PDGFRL: variants seen among roughly 807,000 people sequenced by gnomAD.
PDGFRL encodes platelet derived growth factor receptor like.
PDGFRL carries 46 observed loss-of-function variants against 37.2 expected under a neutral mutation model. That is an observed-to-expected ratio of 1.24 (90% CI 0.98 to 1.58). The LOEUF is 1.58. Ranked by LOEUF, PDGFRL falls within the 40% of genes most tolerant of loss-of-function variation. PDGFRL has a pLI of 0.00. For synonymous variants in PDGFRL, 251 were observed against 184.3 expected (o/e 1.36, Z -2.93); for missense variants, 692 against 467.6 (o/e 1.48, Z -4.43).
At chr8:17,634,355 G>C (rs1311237924) in intron 5 of PDGFRL, 142 bp downstream of exon 5, 2 of 618,116 alleles carry the variant, frequency 3.2e-6, no homozygotes, top group African/African-American at 3.8e-5. Context: ...TATGTTGGGG[G>C]CCAGGTATTG....
chr8:17,613,070 A>G (rs1229312809), intron 2 of PDGFRL, among the ~76,000 whole-genome samples: 1 of 152,238 alleles, frequency 6.6e-6, no homozygotes, highest in East Asian at 1.9e-4. Context: ...TAGTAGGTTT[A>G]GCTAAATCTC....
intron 4 of PDGFRL, 71 bp downstream of exon 4, chr8:17,628,851 C>G: frequency 2.0e-6 from 2 of 1,014,638 alleles, no homozygotes; most frequent in Non-Finnish European, 3.1e-6. Flanking sequence ...TGTTCCCTGC[C>G]TGCAGATGGA....
chr8:17,579,988 C>T (rs1342365176), intron 1 of PDGFRL, among the ~76,000 whole-genome samples: 1 of 152,106 alleles, frequency 6.6e-6, no homozygotes, highest in Non-Finnish European at 1.5e-5. Context: ...CTTCTATTTT[C>T]ACATTGAAAA....
chr8:17,640,333 T>A (rs1165847994), intron 5 of PDGFRL, among the ~76,000 whole-genome samples: 2 of 152,196 alleles, frequency 1.3e-5, no homozygotes, highest in Admixed American at 6.5e-5. Flanking sequence ...AGTGTGATCT[T>A]CTGGGGTGTT....
In PDGFRL at chr8:17,642,739, A is replaced by G; in HGVS notation, c.1066A>G (p.Ile356Val). 1 of 1,609,424 alleles carries G rather than the reference A, an allele frequency of 6.2e-7. No homozygotes were observed. Among genetic ancestry groups the G allele is most frequent in the East Asian group, 2.2e-5 (1 of 44,862 alleles). The change falls in exon 6 of 6, where the codon ATT becomes GTT. Residue 356 changes from isoleucine to valine, a missense_variant. Physicochemically the swap from Ile to Val is conservative, Grantham distance 29 (BLOSUM62 3). Coordinates refer to ENST00000251630, the MANE Select transcript of PDGFRL (RefSeq NM_001372073.1). ...DFETIDAGYY[I>V]CTAQNLQGQT... ...TGAGACGATTGATGCAGGATATTAC[A>G]TTTGCACTGCTCAGAATCTTCAAGG...
At position 17,642,661 on chromosome 8, in the gene PDGFRL, G is replaced by C; in HGVS notation, c.988G>C (p.Gly330Arg). The change falls in exon 6 of 6, where the codon GGA becomes CGA. Residue 330 changes from glycine to arginine, a missense_variant. Transcript: ENST00000251630. ...IQDTWRLIHRGLGHTTRISQS... is the reference protein window; with the variant it reads ...IQDTWRLIHRRLGHTTRISQS... ...AGACACTTGGAGGTTGATCCACAGA[G>C]GACTGGGACACACCACGAGAATCTC... 1 of 1,609,282 alleles carries C rather than the reference G, an allele frequency of 6.2e-7. No individual in the cohort carries two copies. The highest frequency in any genetic ancestry group is 8.5e-7 in the Non-Finnish European group (1 of 1,175,528).
At chr8:17,596,107 T>TTACCCTTGCTGGG (rs3837209) in intron 2 of PDGFRL, among the ~76,000 whole-genome samples, 20,667 of 151,840 alleles carry the variant, frequency 0.14, 3,685 homozygotes, top group African/African-American at 0.4. Context: ...AGCCCCAGAG[T>TTACCCTTGCTGGG]TACCCTTGCT....
At chr8:17,633,047 C>G (rs1050621790) in intron 4 of PDGFRL, among the ~76,000 whole-genome samples, 1 of 152,164 alleles carries the variant, frequency 6.6e-6, no homozygotes. Flanking sequence ...GTGTCCCGCC[C>G]CTTTGCTAGA....
intron 2 of PDGFRL, among the ~76,000 whole-genome samples, chr8:17,594,664 C>T (rs1000002260): frequency 6.6e-6 from 1 of 152,218 alleles, no homozygotes; most frequent in African/African-American, 2.4e-5. Context: ...AAGCGATTCT[C>T]CTGCCTCAGC....
At chr8:17,610,046 T>G (rs1341430538) in intron 2 of PDGFRL, among the ~76,000 whole-genome samples, 1 of 152,204 alleles carries the variant, frequency 6.6e-6, no homozygotes, top group Non-Finnish European at 1.5e-5. Flanking sequence ...CCATGGCTGT[T>G]GCATTCACTA....
intron 2 of PDGFRL, among the ~76,000 whole-genome samples, chr8:17,620,806 C>T (rs1331336056): frequency 3.3e-5 from 5 of 151,802 alleles, no homozygotes; most frequent in African/African-American, 1.2e-4. Flanking sequence ...TTAGAATGAA[C>T]TTTAAAAGGT....
chr8:17,585,187 T>C (rs1341439322), intron 1 of PDGFRL, among the ~76,000 whole-genome samples: 1 of 152,162 alleles, frequency 6.6e-6, no homozygotes, highest in Non-Finnish European at 1.5e-5. Flanking sequence ...GTGGCCATCT[T>C]GGTTTTGGTG....
chr8:17,616,739 G>A (rs1455654782), intron 2 of PDGFRL, among the ~76,000 whole-genome samples: 1 of 152,162 alleles, frequency 6.6e-6, no homozygotes, highest in Non-Finnish European at 1.5e-5. Flanking sequence ...GAACTCGGGA[G>A]CAGGGACTTC....
chr8:17,577,350 C>T (rs1428539346), intron 1 of PDGFRL, 43 bp downstream of exon 1: 6 of 1,554,106 alleles, frequency 3.9e-6, no homozygotes, highest in Admixed American at 3.5e-5. Flanking sequence ...TGTGCCCTGA[C>T]TTTAGCCGGG....
intron 1 of PDGFRL, among the ~76,000 whole-genome samples, chr8:17,585,040 T>C (rs1466855594): frequency 6.6e-6 from 1 of 152,150 alleles, no homozygotes; most frequent in Non-Finnish European, 1.5e-5. Flanking sequence ...CTCTCCTTTT[T>C]AGACCATATA....
intron 2 of PDGFRL, among the ~76,000 whole-genome samples, chr8:17,612,849 C>G (rs1472046603): frequency 6.6e-6 from 1 of 152,172 alleles, no homozygotes; most frequent in African/African-American, 2.4e-5. Context: ...TCTGCAAACT[C>G]TTTAATGACT....
intron 1 of PDGFRL, among the ~76,000 whole-genome samples, chr8:17,583,041 G>A (rs930465674): frequency 1.3e-5 from 2 of 152,170 alleles, no homozygotes; most frequent in Non-Finnish European, 2.9e-5. Flanking sequence ...CAGAGAGGTT[G>A]CTCCAGAGGG....
intron 2 of PDGFRL, chr8:17,596,481 A>G (rs1002855573): frequency 2.0e-5 from 8 of 398,016 alleles, no homozygotes; most frequent in Admixed American, 9.2e-5. Context: ...CTGAACATTT[A>G]GTCTTTGACT....
At chr8:17,615,400 T>C (rs1804502509) in intron 2 of PDGFRL, among the ~76,000 whole-genome samples, 1 of 152,158 alleles carries the variant, frequency 6.6e-6, no homozygotes, top group Non-Finnish European at 1.5e-5. Context: ...TTCATTTCAT[T>C]TCATTTCTGT....
Sources: allele counts gnomAD v4.1 joint callset (sites outside exome capture counted in the v4.1 genomes callset), GRCh38; gene constraint gnomAD v4.1.1; transcripts MANE v1.5; gene names NCBI Gene and HGNC (gene_info 2026-07-23, HGNC 2026-07-21).